The following MDGA2 variants were observed in gnomAD, a reference collection of about 807,000 sequenced individuals.
The protein encoded by MDGA2 is MAM domain-containing glycosylphosphatidylinositol anchor protein 2.
In MDGA2, 40 loss-of-function variants were observed where a neutral mutation model predicts 117.8. The ratio of observed to expected loss-of-function variants is 0.34; its 90% confidence interval spans 0.26 to 0.44. MDGA2 has a LOEUF of 0.44. MDGA2 is among the 20% of genes least tolerant of loss of function. The pLI is 1.00. For synonymous variants in MDGA2, 452 were observed against 439.0 expected, an observed-to-expected ratio of 1.03 and a Z score of -0.37; for missense variants, 1,123 against 1,250.6, an observed-to-expected ratio of 0.90 and a Z score of 1.54.
At chr14:47,440,251 C>G (rs895046228) in intron 1 of MDGA2, among the ~76,000 whole-genome samples, 2 of 152,108 alleles carry the variant, frequency 1.3e-5, no homozygotes, top group Non-Finnish European at 2.9e-5. Context: ...ACATTTGGGG[C>G]AGACCTTAAT....
At chr14:46,990,575 T>C (rs1414826118) in intron 8 of MDGA2, among the ~76,000 whole-genome samples, 1 of 152,074 alleles carries the variant, frequency 6.6e-6, no homozygotes, top group African/African-American at 2.4e-5. Context: ...CCACTCCTTT[T>C]ATCTCCTTTT....
At chr14:47,135,585 G>T (rs140062027) in intron 4 of MDGA2, among the ~76,000 whole-genome samples, 1 of 151,986 alleles carries the variant, frequency 6.6e-6, no homozygotes, top group Non-Finnish European at 1.5e-5. Flanking sequence ...GATAATCTAT[G>T]CTGCATTTCT....
intron 5 of MDGA2, among the ~76,000 whole-genome samples, chr14:47,108,838 GC>G (rs1405054735): frequency 1.3e-5 from 2 of 152,188 alleles, no homozygotes; most frequent in Non-Finnish European, 2.9e-5. Flanking sequence ...TCTAAGGTGA[GC>G]AAAAGTCAGT....
chr14:47,446,792 AAGAC>A (rs1446287661), intron 1 of MDGA2, among the ~76,000 whole-genome samples: 1 of 152,070 alleles, frequency 6.6e-6, no homozygotes, highest in African/African-American at 2.4e-5. Context: ...AAAAAAGTAA[AAGAC>A]AGGGTGGGGG....
At chr14:47,405,246 C>A (rs1289553253) in intron 1 of MDGA2, among the ~76,000 whole-genome samples, 1 of 152,108 alleles carries the variant, frequency 6.6e-6, no homozygotes, top group East Asian at 1.9e-4. Flanking sequence ...TCTTACAGTT[C>A]TTAATTGAAT....
At chr14:47,509,256 G>A (rs1894587325) in intron 1 of MDGA2, among the ~76,000 whole-genome samples, 1 of 152,190 alleles carries the variant, frequency 6.6e-6, no homozygotes, top group Non-Finnish European at 1.5e-5. Context: ...GATGGGATGG[G>A]ATAGTATTGT....
At chr14:47,073,686 A>G (rs941212176) in intron 6 of MDGA2, among the ~76,000 whole-genome samples, 1 of 152,198 alleles carries the variant, frequency 6.6e-6, no homozygotes, top group African/African-American at 2.4e-5. Flanking sequence ...GACTTCATGT[A>G]TTTGGTGGTG....
At chr14:47,646,841 T>A (rs1488865745) in intron 1 of MDGA2, among the ~76,000 whole-genome samples, 1 of 152,192 alleles carries the variant, frequency 6.6e-6, no homozygotes, top group East Asian at 1.9e-4. Context: ...AATTTGAAAG[T>A]GAGATTTACT....
chr14:47,277,110 G>A (rs982842368), intron 2 of MDGA2, among the ~76,000 whole-genome samples: 7 of 152,110 alleles, frequency 4.6e-5, no homozygotes, highest in Admixed American at 1.3e-4. Flanking sequence ...TCAGGCTGAA[G>A]CCATTCTCTC....
At chr14:47,083,098 G>A (rs1890767972) in intron 6 of MDGA2, among the ~76,000 whole-genome samples, 1 of 151,800 alleles carries the variant, frequency 6.6e-6, no homozygotes, top group African/African-American at 2.4e-5. Flanking sequence ...TCAGTGAAAG[G>A]TCTAACATAA....
chr14:47,040,584 A>C (rs1236533118), intron 7 of MDGA2, among the ~76,000 whole-genome samples: 1 of 152,150 alleles, frequency 6.6e-6, no homozygotes, highest in African/African-American at 2.4e-5. Context: ...CTGAAGTTTC[A>C]CCAACTAGTT....
chr14:46,881,488 T>C (rs957079070), intron 11 of MDGA2, among the ~76,000 whole-genome samples: 5 of 152,156 alleles, frequency 3.3e-5, no homozygotes, highest in African/African-American at 1.2e-4. Context: ...ATAACTGTAA[T>C]GTATAATACT....
chr14:47,404,594 C>T (rs922426013), intron 1 of MDGA2, among the ~76,000 whole-genome samples: 2 of 152,076 alleles, frequency 1.3e-5, no homozygotes, highest in Non-Finnish European at 2.9e-5. Flanking sequence ...TCCTGGGCTC[C>T]AGTGATTCTC....
At chr14:47,089,738 G>T (rs1402111046) in intron 6 of MDGA2, among the ~76,000 whole-genome samples, 1 of 151,918 alleles carries the variant, frequency 6.6e-6, no homozygotes. Flanking sequence ...CCTTTGTAGG[G>T]ACATGGAGGA....
intron 1 of MDGA2, among the ~76,000 whole-genome samples, chr14:47,407,575 A>G (rs1279621836): frequency 6.6e-6 from 1 of 152,164 alleles, no homozygotes; most frequent in Non-Finnish European, 1.5e-5. Flanking sequence ...TTTGGCTTTT[A>G]GTAGATTTTC....
chr14:47,037,547 A>C (rs540720310), intron 7 of MDGA2, among the ~76,000 whole-genome samples: 5 of 152,214 alleles, frequency 3.3e-5, no homozygotes, highest in Non-Finnish European at 7.3e-5. Context: ...CACTGTTTCA[A>C]ATATGAAAGA....
At chr14:47,620,367 T>C (rs930890673) in intron 1 of MDGA2, among the ~76,000 whole-genome samples, 8 of 152,258 alleles carry the variant, frequency 5.3e-5, no homozygotes, top group Admixed American at 3.3e-4. Flanking sequence ...TATATAAAGA[T>C]ACTCTTAGAA....
chr14:47,470,168 A>C (rs1397275279), intron 1 of MDGA2, among the ~76,000 whole-genome samples: 2 of 150,904 alleles, frequency 1.3e-5, no homozygotes, highest in Admixed American at 1.3e-4. Flanking sequence ...CAGAACGTGC[A>C]GTTTTGTTAC....
intron 10 of MDGA2, among the ~76,000 whole-genome samples, chr14:46,919,481 G>C (rs939838984): frequency 6.6e-6 from 1 of 152,106 alleles, no homozygotes; most frequent in Non-Finnish European, 1.5e-5. Context: ...CATAACCCTT[G>C]ATCTTCAGCT....
Sources: allele counts gnomAD v4.1 joint callset (sites outside exome capture counted in the v4.1 genomes callset), GRCh38; gene constraint gnomAD v4.1.1; transcripts MANE v1.5; gene names NCBI Gene and HGNC (gene_info 2026-07-23, HGNC 2026-07-21).